Variants in FBXW11 observed in about 807,000 individuals in gnomAD.
FBXW11 encodes F-box and WD repeat domain containing 11.
A neutral mutation model predicts 77.6 loss-of-function variants in FBXW11; 19 were observed. That is an observed-to-expected ratio of 0.24 (90% CI 0.17 to 0.36). FBXW11 has a LOEUF of 0.36. Among genes scored for constraint, FBXW11 ranks in the 10% least tolerant of loss-of-function variants. FBXW11 has a pLI of 1.00. For missense variants in FBXW11, 334 were observed against 704.2 expected, an observed-to-expected ratio of 0.47 and a Z score of 5.95; for synonymous variants, 235 against 249.4, an observed-to-expected ratio of 0.94 and a Z score of 0.54.
chr5:171,940,351 T>C (rs1053338413), intron 2 of FBXW11, among the ~76,000 whole-genome samples: 5 of 152,278 alleles, frequency 3.3e-5, no homozygotes, highest in East Asian at 1.9e-4. Flanking sequence ...TATTTTTATA[T>C]AGACAAAAAA....
chr5:171,936,012 G>C (rs1762455759), intron 2 of FBXW11, among the ~76,000 whole-genome samples: 1 of 150,040 alleles, frequency 6.7e-6, no homozygotes, highest in East Asian at 2.0e-4. Context: ...TCGGGAGGCT[G>C]AGATAGGAGA....
chr5:171,991,529 T>C (rs1765739955), intron 1 of FBXW11, among the ~76,000 whole-genome samples: 1 of 152,206 alleles, frequency 6.6e-6, no homozygotes, highest in African/African-American at 2.4e-5. Flanking sequence ...AGCACACATA[T>C]CACAGCAAGC....
chr5:171,999,667 AT>A (rs1169707326), intron 1 of FBXW11, among the ~76,000 whole-genome samples: 3 of 152,162 alleles, frequency 2.0e-5, no homozygotes, highest in Admixed American at 6.5e-5. Context: ...TCCTAAAAAA[AT>A]AAACATTAAA....
intron 2 of FBXW11, among the ~76,000 whole-genome samples, chr5:171,935,707 A>C (rs1762439150): frequency 6.6e-6 from 1 of 152,198 alleles, no homozygotes; most frequent in African/African-American, 2.4e-5. Context: ...AGCATCTTCC[A>C]AAATTTTAGA....
At chr5:171,939,567 A>G (rs1407169058) in intron 2 of FBXW11, among the ~76,000 whole-genome samples, 5 of 151,982 alleles carry the variant, frequency 3.3e-5, no homozygotes, top group Non-Finnish European at 5.9e-5. Flanking sequence ...GCATGGTGAC[A>G]TGTGCCTGTA....
chr5:171,971,965 C>T (rs1328737361), intron 1 of FBXW11, among the ~76,000 whole-genome samples: 1 of 151,482 alleles, frequency 6.6e-6, no homozygotes, highest in South Asian at 2.1e-4. Context: ...GCCTGGACAG[C>T]TCACACCTGT....
In FBXW11 at chr5:171,876,309, A is replaced by G; in HGVS notation, c.1197T>C (p.Ser399=). ...VVDFDDKYIV[S]ASGDRTIKVW... is the part of the protein sequence containing the mutation. ...CTTTGATGGTCCTGTCACCAGAGGC[A>G]GACACGATGTACTTGTCGTCAAAGT... Residue 399 remains serine, a synonymous_variant, in exon 9 of 14, where the codon TCT becomes TCC. Transcript: ENST00000517395. This position sits in a 1 kb window ranked among gnomAD's most constrained non-coding sequence, Gnocchi z 4.2. 1.9e-6 allele frequency: 3 copies of G among 1,614,234 alleles called. No individual in the cohort carries two copies. Among genetic ancestry groups the G allele is most frequent in the Non-Finnish European group, 2.5e-6 (3 of 1,180,036 alleles).
intron 2 of FBXW11, among the ~76,000 whole-genome samples, chr5:171,935,000 C>A (rs1414239330): frequency 6.6e-6 from 1 of 152,122 alleles, no homozygotes; most frequent in East Asian, 1.9e-4. Flanking sequence ...GCTCTGTAGC[C>A]CAGGCTGGAG....
chr5:171,869,517 T>C lies in FBXW11; in HGVS notation c.1530+212A>G, dbSNP rs1757628265. On this transcript the variant is annotated intron_variant, in intron 12 of 13. Transcript: ENST00000517395. This position sits in a 1 kb window ranked among gnomAD's most constrained non-coding sequence, Gnocchi z 4.1. ...AATCAGGAAGCCTGCCTTCATATCT[T>C]AAGCTGCATTATGTCTCCCCTTAGG... Among the ~76,000 whole-genome samples the C allele has an allele frequency of 6.6e-6, 1 of 152,232 alleles. No individual in the cohort carries two copies. Among genetic ancestry groups the C allele is most frequent in the Admixed American group, 6.5e-5 (1 of 15,282 alleles).
chr5:171,874,324 A>C (rs10077092), intron 9 of FBXW11, among the ~76,000 whole-genome samples: 16,624 of 152,218 alleles, frequency 0.11, 2,999 homozygotes, highest in African/African-American at 0.38. Context: ...CCACTGCACA[A>C]TCACTAGGGC....
intron 2 of FBXW11, among the ~76,000 whole-genome samples, chr5:171,945,468 A>C (rs1207260308): frequency 6.6e-6 from 1 of 152,222 alleles, no homozygotes; most frequent in Non-Finnish European, 1.5e-5. Context: ...TCTCTCCCTC[A>C]GTTCAGTTTC....
At chr5:171,878,170 C>A in intron 7 of FBXW11, 41 bp from the exon 8 acceptor site, 2 of 1,402,088 alleles carry the variant, frequency 1.4e-6, no homozygotes, top group East Asian at 2.3e-5. Context: ...ATTAATTATA[C>A]TATATTTTGA....
intron 2 of FBXW11, among the ~76,000 whole-genome samples, chr5:171,929,269 C>G (rs1324357881): frequency 6.6e-6 from 1 of 151,770 alleles, no homozygotes; most frequent in African/African-American, 2.4e-5. Context: ...TACTCAGGAG[C>G]TGAGGCACAA....
intron 1 of FBXW11, among the ~76,000 whole-genome samples, chr5:171,961,539 A>G (rs1763908247): frequency 1.3e-5 from 2 of 152,236 alleles, no homozygotes; most frequent in African/African-American, 4.8e-5. Context: ...TCTTAGATCT[A>G]ATAGATCAGG....
chr5:171,878,943 AT>A (rs1378456519), intron 7 of FBXW11, among the ~76,000 whole-genome samples: 2 of 152,224 alleles, frequency 1.3e-5, no homozygotes, highest in Non-Finnish European at 2.9e-5. Context: ...CCAGCATTTC[AT>A]AAAAGTCTCA....
intron 2 of FBXW11, among the ~76,000 whole-genome samples, chr5:171,918,627 C>T (rs1404818197): frequency 1.3e-5 from 2 of 152,176 alleles, no homozygotes; most frequent in Non-Finnish European, 2.9e-5. Context: ...AAATAGATTA[C>T]AATGCAGACC....
chr5:171,871,876 T>C (rs541506422), intron 10 of FBXW11, among the ~76,000 whole-genome samples: 111 of 152,322 alleles, frequency 7.3e-4, no homozygotes, highest in Middle Eastern at 3.4e-3. Flanking sequence ...TTCCCTTCTA[T>C]AAGCTGGAGA....
chr5:171,870,366 A>G (rs954585175), intron 11 of FBXW11, among the ~76,000 whole-genome samples: 1 of 144,330 alleles, frequency 6.9e-6, no homozygotes, highest in Non-Finnish European at 1.5e-5. Context: ...AAAAGGGAAA[A>G]GAAGAAACTT....
chr5:171,946,702 T>C (rs1425789603), intron 2 of FBXW11, among the ~76,000 whole-genome samples: 2 of 151,902 alleles, frequency 1.3e-5, no homozygotes, highest in Admixed American at 1.3e-4. Flanking sequence ...TGGCTTTCCC[T>C]CTTCGCTCTA....
Sources: allele counts gnomAD v4.1 joint callset (sites outside exome capture counted in the v4.1 genomes callset), GRCh38; gene constraint gnomAD v4.1.1; non-coding constraint Gnocchi (gnomAD v3.1); transcripts MANE v1.5; gene names NCBI Gene and HGNC (gene_info 2026-07-23, HGNC 2026-07-21).